KIAA2013: variants seen among roughly 807,000 people sequenced by gnomAD.
KIAA2013 encodes the protein uncharacterized protein KIAA2013.
A neutral mutation model predicts 39.9 loss-of-function variants in KIAA2013; 20 were observed. That is an observed-to-expected ratio of 0.50 (90% confidence interval 0.35 to 0.73). The LOEUF is 0.73. Ranked by LOEUF, KIAA2013 falls within the 30% of genes least tolerant of loss-of-function variation. The pLI, the probability that KIAA2013 is intolerant of heterozygous loss-of-function variation, is 0.01. For missense variants in KIAA2013, 587 were observed against 856.1 expected, an observed-to-expected ratio of 0.69 and a Z score of 3.92; for synonymous variants, 336 against 416.6, an observed-to-expected ratio of 0.81 and a Z score of 2.35.
At chr1:11,922,475 T>C in intron 2 of KIAA2013, 161 bp downstream of exon 2, 1 of 1,488,448 alleles carries the variant, frequency 6.7e-7, no homozygotes, top group South Asian at 1.3e-5. Flanking sequence ...TCGTCTCCTC[T>C]CAAAACACTT....
rs755769766 is a variant in KIAA2013, at chr1:11,926,075, C to T, written c.163G>A (p.Gly55Ser). The T allele has an allele frequency of 5.3e-5, 78 of 1,461,344 alleles. No homozygotes were observed. In the African/African-American group the frequency reaches 1.1e-3, roughly 21 times the overall value. The allele number at this position is 1,461,344 out of a possible 1,614,324, so 90.5% of individuals were successfully genotyped here. A position where few individuals can be genotyped will look rare whatever the true frequency, so the allele number is the denominator to read the frequency against. Residue 55 changes from glycine (G) to serine (S), a missense_variant, in exon 1 of 3, where the codon GGT (glycine) becomes AGT (serine). Physicochemically the swap from Gly to Ser is moderately conservative, Grantham distance 56. Transcript: ENST00000376572. The part of the protein sequence containing the change: ...GGLHLLPWSR[G>S]EPGAAEPSAC... Reference sequence around the variant, plus strand: ...GACGGCTCGGCGGCGCCCGGCTCACCGCGGGACCAGGGCAGCAGGTGCAGG... The same window carrying T: ...GACGGCTCGGCGGCGCCCGGCTCACTGCGGGACCAGGGCAGCAGGTGCAGG...
At position 11,920,076 on chromosome 1, in the gene KIAA2013, G is replaced by C; in HGVS notation, c.*239C>G. On this transcript the variant is annotated 3_prime_UTR_variant, in exon 3 of 3. Coordinates refer to ENST00000376572, the MANE Select transcript of KIAA2013 (RefSeq NM_138346.3). Reference sequence around the variant, plus strand: ...TTCCATTTCAAGTATTTGCCATACAGGTTCATTTTATTGAGTGGAAAGCTT... The same window carrying C: ...TTCCATTTCAAGTATTTGCCATACACGTTCATTTTATTGAGTGGAAAGCTT... 1 of 585,334 alleles carries C rather than the reference G, an allele frequency of 1.7e-6. No individual in the cohort carries two copies. Among genetic ancestry groups the C allele is most frequent in the South Asian group, 2.0e-5 (1 of 49,258 alleles). The allele number at this position is 585,334 out of a possible 1,614,324, so 36.3% of individuals were successfully genotyped here.
At position 11,922,829 on chromosome 1, in the gene KIAA2013, T is replaced by C. The variant is rs1323325250; in HGVS notation, c.1694A>G (p.Gln565Arg). The C allele has an allele frequency of 6.2e-7, 1 of 1,612,210 alleles. No homozygotes were observed. The highest frequency in any genetic ancestry group is 8.5e-7 in the Non-Finnish European group (1 of 1,178,926). The change falls in exon 2 of 3, where the codon CAG (glutamine) becomes CGG (arginine). Residue 565 changes from glutamine (Q) to arginine (R), a missense_variant. Coordinates refer to ENST00000376572, the MANE Select transcript of KIAA2013 (RefSeq NM_138346.3). ...LYISTDLTHL[Q>R]DLRHTLHLKA... ...GAGGTGCAGCGTGTGCCGCAGGTCC[T>C]GCAGGTGTGTGAGGTCGGTGGAGAT...
rs1345612912 is a variant in KIAA2013 at position 11,920,114 on chromosome 1, C to G, written c.*201G>C. The G allele has an allele frequency of 3.1e-6, 2 of 654,102 alleles. No homozygotes were observed. Among genetic ancestry groups the G allele is most frequent in the Non-Finnish European group, 5.5e-6 (2 of 363,042 alleles). 40.5% of individuals were successfully genotyped at this position (654,102 alleles called of 1,614,324 possible). On this transcript the variant is annotated 3_prime_UTR_variant, in exon 3 of 3. Transcript: ENST00000376572. Reference sequence around the variant, plus strand: ...GAGTGGAAAGCTTACAAAAGGTCCACTGGCCCCTTCCCTCCCCACGTGACA... The same window carrying G: ...GAGTGGAAAGCTTACAAAAGGTCCAGTGGCCCCTTCCCTCCCCACGTGACA...
Position 11,926,326 on chromosome 1 carries a change from G to A in KIAA2013, c.-89C>T, listed in dbSNP as rs1303229548. The A allele has an allele frequency of 1.7e-6, 1 of 600,344 alleles. No homozygotes were observed. The highest frequency in any genetic ancestry group is 2.0e-5 in the African/African-American group (1 of 49,512). 37.2% of individuals were successfully genotyped at this position (600,344 alleles called of 1,614,324 possible). On this transcript the variant is annotated 5_prime_UTR_variant, in exon 1 of 3. Coordinates refer to ENST00000376572, the MANE Select transcript of KIAA2013 (RefSeq NM_138346.3). ...CCCGGCCGCCCGCGCCTCACTGCCCGGCCCGGACCGCGGCGCCCACCCCGG... is the reference window on the plus strand; with the variant it reads ...CCCGGCCGCCCGCGCCTCACTGCCCAGCCCGGACCGCGGCGCCCACCCCGG...
At chr1:11,924,380 G>A (rs1474680331) in intron 1 of KIAA2013, among the ~76,000 whole-genome samples, 9 of 151,366 alleles carry the variant, frequency 5.9e-5, no homozygotes, top group African/African-American at 1.5e-4. Context: ...GTGAGCCACC[G>A]CGCCCAGCCA....
At chr1:11,924,481 AC>A (rs942837199) in intron 1 of KIAA2013, among the ~76,000 whole-genome samples, 20 of 151,972 alleles carry the variant, frequency 1.3e-4, no homozygotes, top group African/African-American at 4.8e-4. Context: ...TTAAGCAAGC[AC>A]CATGAGAACA....
chr1:11,922,547 AC>A (rs774965605), intron 2 of KIAA2013, 88 bp downstream of exon 2: 56 of 1,562,206 alleles, frequency 3.6e-5, no homozygotes, highest in Non-Finnish European at 4.7e-5. Flanking sequence ...CCCAGGCCTC[AC>A]CCCCCCTCGC....
intron 2 of KIAA2013, 33 bp from the exon 3 acceptor site, chr1:11,920,365 T>G: frequency 1.9e-6 from 3 of 1,612,976 alleles, no homozygotes; most frequent in Non-Finnish European, 2.5e-6. Flanking sequence ...GTGATTACTG[T>G]TCACTGCCAA....
At chr1:11,924,834 G>A (rs1285017177) in intron 1 of KIAA2013, among the ~76,000 whole-genome samples, 1 of 152,260 alleles carries the variant, frequency 6.6e-6, no homozygotes, top group East Asian at 1.9e-4. Context: ...GCCGACTGCG[G>A]TGCTGAGCAA....
chr1:11,920,513 T>G (rs1645467984), intron 2 of KIAA2013, among the ~76,000 whole-genome samples, 181 bp from the exon 3 acceptor site: 1 of 152,186 alleles, frequency 6.6e-6, no homozygotes, highest in Non-Finnish European at 1.5e-5. Context: ...CTGGCTCCAC[T>G]CTGGCATGGC....
Position 11,926,354 on chromosome 1 carries a change from C to G in KIAA2013, c.-117G>C. ...CCGGACCGCGGCGCCCACCCCGGCCCCCGCCGCAACCGCCGCAGCAGCCGC... is the reference window on the plus strand; with the variant it reads ...CCGGACCGCGGCGCCCACCCCGGCCGCCGCCGCAACCGCCGCAGCAGCCGC... On this transcript the variant is annotated 5_prime_UTR_variant, in exon 1 of 3. Transcript: ENST00000376572. 6.4e-6 allele frequency: 2 copies of G among 314,372 alleles called. No homozygotes were observed. The highest frequency in any genetic ancestry group is 9.2e-6 in the Non-Finnish European group (2 of 216,374). The allele number at this position is 314,372 out of a possible 1,614,324, so 19.5% of individuals were successfully genotyped here.
rs1645482762 is a variant in KIAA2013 at position 11,922,845 on chromosome 1, C to T, written c.1678G>A (p.Asp560Asn). Reference protein sequence around the residue: ...PITPLLYISTDLTHLQDLRHT... With the variant: ...PITPLLYISTNLTHLQDLRHT... ...CGCAGGTCCTGCAGGTGTGTGAGGT[C>T]GGTGGAGATGTAGAGCAGTGGCGTG... The change falls in exon 2 of 3, where the codon GAC becomes AAC. Residue 560 changes from aspartate (D) to asparagine (N), a missense_variant. Transcript: ENST00000376572. The T allele has an allele frequency of 3.1e-6, 5 of 1,611,942 alleles. No individual in the cohort carries two copies. Among genetic ancestry groups the T allele is most frequent in the African/African-American group, 1.3e-5 (1 of 74,874 alleles).
intron 2 of KIAA2013, 89 bp from the exon 3 acceptor site, chr1:11,920,421 G>T: frequency 7.5e-7 from 1 of 1,334,498 alleles, no homozygotes; most frequent in Non-Finnish European, 1.1e-6. Context: ...CAACCCTAGT[G>T]GCACCACACC....
At chr1:11,924,760 A>C (rs1403869596) in intron 1 of KIAA2013, among the ~76,000 whole-genome samples, 3 of 152,150 alleles carry the variant, frequency 2.0e-5, no homozygotes, top group East Asian at 3.9e-4. Context: ...AGTTGCAGCC[A>C]CAACTGCCAG....
chr1:11,920,191 C>T lies in KIAA2013; in HGVS notation c.*124G>A. ...TGTATCCACACTCACTTCTGCGTCA[C>T]CGGTTTCCCCCAACAAGGCACAAAG... On this transcript the variant is annotated 3_prime_UTR_variant, in exon 3 of 3. Coordinates refer to ENST00000376572, the MANE Select transcript of KIAA2013 (RefSeq NM_138346.3). 9.8e-7 allele frequency: 1 copy of T among 1,023,648 alleles called. No homozygotes were observed. The highest frequency in any genetic ancestry group is 1.3e-5 in the South Asian group (1 of 77,978). The allele number at this position is 1,023,648 out of a possible 1,614,324, so 63.4% of individuals were successfully genotyped here.
At position 11,926,061 on chromosome 1, in the gene KIAA2013, G is replaced by A. The variant is rs1210286509; in HGVS notation, c.177C>T (p.Ala59=). 9 of 1,458,208 alleles carry A rather than the reference G, an allele frequency of 6.2e-6. No individual in the cohort carries two copies. The highest frequency in any genetic ancestry group is 2.6e-5 in the Admixed American group (1 of 38,354). The allele number at this position is 1,458,208 out of a possible 1,614,324, so 90.3% of individuals were successfully genotyped here. A position where few individuals can be genotyped will look rare whatever the true frequency, so the allele number is the denominator to read the frequency against. The change falls in exon 1 of 3, where the codon GCC becomes GCT. Residue 59 remains alanine, a synonymous_variant. Transcript: ENST00000376572. ...LLPWSRGEPG[A]AEPSACLEAA... is the part of the protein sequence containing the mutation. ...CCTCCAGGCAGGCAGACGGCTCGGC[G>A]GCGCCCGGCTCACCGCGGGACCAGG...
Position 11,925,690 on chromosome 1 carries a change from C to T in KIAA2013, c.548G>A (p.Arg183His), listed in dbSNP as rs780963022. Residue 183 changes from arginine to histidine, a missense_variant, in exon 1 of 3, where the codon CGC becomes CAC. Physicochemically the swap from Arg to His is conservative, Grantham distance 29. Coordinates refer to ENST00000376572, the MANE Select transcript of KIAA2013 (RefSeq NM_138346.3). This position sits in a 1 kb window ranked among gnomAD's most constrained non-coding sequence, Gnocchi z 5.2. ...GTCCTCTTGCAGCAGCACGCAGTCG[C>T]GGCCGGACCCCGCGGCAAGGCCAGA... ...SVSGLAAGSG[R>H]DCVLLQEDFL... 1.1e-5 allele frequency: 17 copies of T among 1,595,086 alleles called. No homozygotes were observed. In the African/African-American group the frequency reaches 1.9e-4, roughly 18 times the overall value.
chr1:11,919,782 A>T lies in KIAA2013; in HGVS notation c.*533T>A. 1 of 173,002 alleles carries T rather than the reference A, an allele frequency of 5.8e-6. No individual in the cohort carries two copies. The allele number at this position is 173,002 out of a possible 1,614,324, so 10.7% of individuals were successfully genotyped here. A position where few individuals can be genotyped will look rare whatever the true frequency, so the allele number is the denominator to read the frequency against. ...GACAGCACAACCCGCACCCTCCTACAGGCAGCAGCACAGCCACCCTGGGGG... is the reference window on the plus strand; with the variant it reads ...GACAGCACAACCCGCACCCTCCTACTGGCAGCAGCACAGCCACCCTGGGGG... On this transcript the variant is annotated 3_prime_UTR_variant, in exon 3 of 3. Transcript: ENST00000376572.
Sources: gnomAD v4.1 joint callset for allele counts (sites outside exome capture counted in the v4.1 genomes callset) on GRCh38, gnomAD v4.1.1 for gene constraint, Gnocchi (gnomAD v3.1) non-coding constraint, MANE v1.5 for transcripts, NCBI Gene and HGNC (gene_info 2026-07-23, HGNC 2026-07-21) for gene names.